CNTN4: variants seen among roughly 807,000 people sequenced by gnomAD.
CNTN4 encodes the protein contactin 4, also known as contactin-4.
In CNTN4, 77 loss-of-function variants were observed where a neutral mutation model predicts 122.5. The observed-to-expected ratio is 0.63, with a 90% CI of 0.52 to 0.76. The LOEUF is 0.76. CNTN4 is among the 30% of genes least tolerant of loss of function. The probability of loss-of-function intolerance (pLI) is 0.00; values close to 1 mark genes in which losing one functional copy is unlikely to be tolerated. For synonymous variants in CNTN4, 512 were observed against 447.0 expected (o/e 1.15, Z -1.83); for missense variants, 1,256 against 1,259.1 (o/e 1.00, Z 0.04).
intron 16 of CNTN4, among the ~76,000 whole-genome samples, chr3:3,033,518 T>A (rs1240987595): frequency 6.6e-6 from 1 of 152,204 alleles, no homozygotes; most frequent in African/African-American, 2.4e-5. Flanking sequence ...GTTTCTTTTT[T>A]CCCTGTCCCT....
At chr3:2,316,100 T>C (rs757520527) in intron 2 of CNTN4, among the ~76,000 whole-genome samples, 1 of 152,084 alleles carries the variant, frequency 6.6e-6, no homozygotes, top group Non-Finnish European at 1.5e-5. Context: ...AAGATGTGGG[T>C]CATCTTTTAT....
chr3:3,029,906 G>A lies in CNTN4; in HGVS notation c.1663-949G>A, dbSNP rs1699023703. 2.0e-5 allele frequency among the ~76,000 whole-genome samples: 3 copies of A among 152,170 alleles called. No individual in the cohort carries two copies. In the South Asian group the frequency reaches 6.2e-4, roughly 31 times the overall value. On this transcript the variant is annotated intron_variant, in intron 15 of 24. Coordinates refer to ENST00000418658, the MANE Select transcript of CNTN4 (RefSeq NM_175607.3). Reference sequence around the variant, plus strand: ...ATCATCCATTACTATTGTCATTGGAGAAATAGCAACACAAGAGTCTGTGTC... The same window carrying A: ...ATCATCCATTACTATTGTCATTGGAAAAATAGCAACACAAGAGTCTGTGTC...
intron 2 of CNTN4, among the ~76,000 whole-genome samples, chr3:2,143,955 T>G (rs2035126275): frequency 3.3e-5 from 5 of 152,246 alleles, no homozygotes; most frequent in African/African-American, 1.2e-4. Flanking sequence ...ATACACATAC[T>G]TGAACTGTAA....
intron 4 of CNTN4, among the ~76,000 whole-genome samples, chr3:2,695,348 G>T (rs1442618526): frequency 6.6e-6 from 1 of 152,128 alleles, no homozygotes; most frequent in Non-Finnish European, 1.5e-5. Flanking sequence ...GGAGCCTCCA[G>T]AACCAAGTAA....
intron 3 of CNTN4, among the ~76,000 whole-genome samples, chr3:2,465,215 C>T (rs1473868226): frequency 6.6e-6 from 1 of 152,114 alleles, no homozygotes; most frequent in Non-Finnish European, 1.5e-5. Flanking sequence ...AATCTGTGGG[C>T]ATGATTCCTG....
intron 7 of CNTN4, among the ~76,000 whole-genome samples, chr3:2,847,877 A>T (rs1401738085): frequency 6.6e-6 from 1 of 152,182 alleles, no homozygotes; most frequent in African/African-American, 2.4e-5. Flanking sequence ...ACCGGGGCCG[A>T]CTTGACACCC....
In CNTN4 at chr3:2,916,963, G is replaced by T. The variant is rs1228024100; in HGVS notation, c.1208-8666G>T. 2.2e-5 allele frequency among the ~76,000 whole-genome samples: 3 copies of T among 139,384 alleles called. No individual in the cohort carries two copies. In the East Asian group the frequency reaches 7.3e-4, roughly 34 times the overall value. The allele number at this position is 139,384 out of a possible 152,430, so 91.4% of individuals were successfully genotyped here. ...GGCCAAGGCAGGCGGCTGGGAGGTG[G>T]AGGTTGCAGCGAGCCGAGATCACGC... On this transcript the variant is annotated intron_variant, in intron 12 of 24. Coordinates refer to ENST00000418658, the MANE Select transcript of CNTN4 (RefSeq NM_175607.3).
intron 3 of CNTN4, among the ~76,000 whole-genome samples, chr3:2,562,148 T>G (rs536410324): frequency 6.6e-6 from 1 of 152,362 alleles, no homozygotes; most frequent in Admixed American, 6.5e-5. Context: ...CCTGCTGTTC[T>G]AATAATAAGG....
intron 3 of CNTN4, among the ~76,000 whole-genome samples, chr3:2,432,293 C>T (rs898243184): frequency 2.6e-5 from 4 of 152,106 alleles, no homozygotes; most frequent in African/African-American, 4.8e-5. Flanking sequence ...ATTTATGGAA[C>T]GTTTTGTATA....
At chr3:2,229,200 T>A (rs898277323) in intron 2 of CNTN4, among the ~76,000 whole-genome samples, 2 of 152,196 alleles carry the variant, frequency 1.3e-5, no homozygotes, top group Non-Finnish European at 2.9e-5. Context: ...AAGTTATCGA[T>A]GTATTTCATC....
At chr3:2,734,188 G>A (rs553977845) in intron 4 of CNTN4, among the ~76,000 whole-genome samples, 1 of 152,220 alleles carries the variant, frequency 6.6e-6, no homozygotes, top group South Asian at 2.1e-4. Flanking sequence ...AGCTTCCTGA[G>A]TAGCTGGGAC....
intron 4 of CNTN4, among the ~76,000 whole-genome samples, chr3:2,642,590 A>G (rs2082943552): frequency 6.6e-6 from 1 of 152,144 alleles, no homozygotes; most frequent in Non-Finnish European, 1.5e-5. Flanking sequence ...ATATACAGGT[A>G]TGTGTATACA....
intron 2 of CNTN4, among the ~76,000 whole-genome samples, chr3:2,114,918 TA>T (rs1398315728): frequency 6.6e-6 from 1 of 152,234 alleles, no homozygotes; most frequent in Non-Finnish European, 1.5e-5. Context: ...AAAGGAAATT[TA>T]ATGCTGTTTG....
In CNTN4 at chr3:2,411,212, T is replaced by C. The variant is rs1365894857; in HGVS notation, c.-89+71979T>C. ...GAGGGAGCACATCAGGATAAATAGC[T>C]AATGCATGCAGGGCTTAATACTTAG... On this transcript the variant is annotated intron_variant, in intron 3 of 24. Transcript: ENST00000418658. Among the ~76,000 whole-genome samples, 4 of 152,242 alleles carry C rather than the reference T, an allele frequency of 2.6e-5. No homozygotes were observed. The East Asian group carries it at 7.7e-4, about 29-fold the overall frequency.
At chr3:2,689,061 A>T (rs866507450) in intron 4 of CNTN4, among the ~76,000 whole-genome samples, 1 of 152,202 alleles carries the variant, frequency 6.6e-6, no homozygotes, top group African/African-American at 2.4e-5. Context: ...GGTTGCAGAC[A>T]TAAGAAAGTA....
intron 2 of CNTN4, among the ~76,000 whole-genome samples, chr3:2,126,969 A>C (rs1016245134): frequency 4.6e-5 from 7 of 152,138 alleles, no homozygotes; most frequent in African/African-American, 1.7e-4. Context: ...GTCCTTTGTG[A>C]CTTTTGTCTG....
intron 3 of CNTN4, among the ~76,000 whole-genome samples, chr3:2,522,737 G>A (rs1472673774): frequency 1.3e-5 from 2 of 151,902 alleles, no homozygotes; most frequent in Admixed American, 1.3e-4. Context: ...CCCATATGAT[G>A]TCAGTCTTGG....
At chr3:2,991,216 T>C (rs1695022777) in intron 14 of CNTN4, among the ~76,000 whole-genome samples, 1 of 151,996 alleles carries the variant, frequency 6.6e-6, no homozygotes, top group African/African-American at 2.4e-5. Context: ...AATTTCCTAA[T>C]AGGTGAGAGA....
chr3:2,976,573 G>T (rs887127466), intron 13 of CNTN4, among the ~76,000 whole-genome samples: 1 of 152,070 alleles, frequency 6.6e-6, no homozygotes, highest in African/African-American at 2.4e-5. Context: ...CCGGGAGGAG[G>T]TGTCTTCCTA....
Sources: allele counts gnomAD v4.1 joint callset (sites outside exome capture counted in the v4.1 genomes callset), GRCh38; gene constraint gnomAD v4.1.1; transcripts MANE v1.5; gene names NCBI Gene and HGNC (gene_info 2026-07-23, HGNC 2026-07-21).